The following EIF3A variants were observed in gnomAD, a reference collection of about 807,000 sequenced individuals.
EIF3A encodes the protein eukaryotic translation initiation factor 3 subunit A.
In EIF3A, 21 loss-of-function variants were observed where a neutral mutation model predicts 186.6. The ratio of observed to expected loss-of-function variants is 0.11; its 90% CI spans 0.08 to 0.16. EIF3A has a LOEUF of 0.16. Among genes scored for constraint, EIF3A ranks in the 10% least tolerant of loss-of-function variants. The pLI, the probability that EIF3A is intolerant of heterozygous loss-of-function variation, is 1.00. For synonymous variants in EIF3A, 563 were observed against 584.3 expected (o/e 0.96, Z 0.52); for missense variants, 1,306 against 1,796.3 (o/e 0.73, Z 4.93).
intron 7 of EIF3A, 44 bp from the exon 8 acceptor site, chr10:119,061,372 T>C (rs1334216529): frequency 2.2e-6 from 2 of 908,818 alleles, no homozygotes; most frequent in East Asian, 2.6e-5. Flanking sequence ...AAGGAAATTT[T>C]CCAACTAAAA....
intron 21 of EIF3A, among the ~76,000 whole-genome samples, chr10:119,036,516 G>A (rs578015752): frequency 6.6e-6 from 1 of 152,244 alleles, no homozygotes; most frequent in South Asian, 2.1e-4. Context: ...ACTAGCCTGG[G>A]AAGGACTACA....
In EIF3A at chr10:119,077,517, C is replaced by T. The variant is rs539093427; in HGVS notation, c.49+3111G>A. Among the ~76,000 whole-genome samples, 139 of 151,652 alleles carry T rather than the reference C, an allele frequency of 9.2e-4. 1 individual carries two copies. Among genetic ancestry groups the T allele is most frequent in the African/African-American group, 3.2e-3 (133 of 41,326 alleles). Reference sequence around the variant, plus strand: ...TAATCCATGACAGTGAGTCTTCTGCCTTTGTCCTAATTTATATACAAGAAT... The same window carrying T: ...TAATCCATGACAGTGAGTCTTCTGCTTTTGTCCTAATTTATATACAAGAAT... On this transcript the variant is annotated intron_variant, in intron 1 of 21. Transcript: ENST00000369144.
Position 119,038,390 on chromosome 10 carries a change from AGGT to A in EIF3A, c.3573_3575del (p.Pro1192del). ...GTTCTTCTGATGGCCTTGATTCTCGAGGTGGACCCCAGCTCTCCTCTCTGGCTT... is the reference window on the plus strand; with the variant it reads ...GTTCTTCTGATGGCCTTGATTCTCGAGGACCCCAGCTCTCCTCTCTGGCTT... On this transcript the variant is annotated inframe_deletion, in exon 20 of 22. Transcript: ENST00000369144. 1 of 1,613,954 alleles carries A rather than the reference AGGT, an allele frequency of 6.2e-7. No homozygotes were observed. Among genetic ancestry groups the A allele is most frequent in the Non-Finnish European group, 8.5e-7 (1 of 1,180,000 alleles).
intron 8 of EIF3A, 69 bp from the exon 9 acceptor site, chr10:119,060,913 CT>C (rs367793800): frequency 0.012 from 10,800 of 908,350 alleles, no homozygotes; most frequent in South Asian, 0.017. Flanking sequence ...ATCTAAAACT[CT>C]TTTTTTTTTA....
chr10:119,058,940 C>G (rs1316479312), intron 11 of EIF3A, among the ~76,000 whole-genome samples: 5 of 152,150 alleles, frequency 3.3e-5, no homozygotes, highest in Non-Finnish European at 7.3e-5. Flanking sequence ...CTGTATTTCA[C>G]TATTTGAGGA....
intron 1 of EIF3A, 99 bp downstream of exon 1, chr10:119,080,529 G>A (rs1844247803): frequency 1.4e-6 from 2 of 1,441,400 alleles, no homozygotes; most frequent in Admixed American, 3.0e-5. Flanking sequence ...TCCTCTCCCC[G>A]CGCGGGCCGG....
intron 17 of EIF3A, among the ~76,000 whole-genome samples, chr10:119,046,975 G>A (rs1376555047): frequency 6.7e-6 from 1 of 148,394 alleles, no homozygotes; most frequent in East Asian, 2.1e-4. Context: ...GAAAATAAAA[G>A]TGAACCTAAA....
chr10:119,051,160 G>A, intron 15 of EIF3A, 39 bp downstream of exon 15: 1 of 1,571,540 alleles, frequency 6.4e-7, no homozygotes, highest in African/African-American at 1.4e-5. Flanking sequence ...ATACTAGAAA[G>A]CTCATGAATA....
chr10:119,039,423 G>A (rs1477528784), intron 19 of EIF3A, among the ~76,000 whole-genome samples: 1 of 151,650 alleles, frequency 6.6e-6, no homozygotes, highest in South Asian at 2.1e-4. Context: ...GTAATCTCAG[G>A]AATTTGGGAG....
chr10:119,038,290 C>T lies in EIF3A; in HGVS notation c.3676G>A (p.Glu1226Lys), dbSNP rs1848163340. ...TCCACATCTCTCTCTCTGTCCCTTT[C>T]TCTCTCAGGGTCCTTGTCATTCTCC... The part of the protein sequence containing the change: ...REENDKDPER[E>K]RDRERDVDRE... The change falls in exon 20 of 22, where the codon GAA (glutamate) becomes AAA (lysine). Residue 1226 changes from glutamate to lysine, a missense_variant. By Grantham distance (56) the Glu-to-Lys change is moderately conservative (BLOSUM62 1). Transcript: ENST00000369144. 1 of 1,613,998 alleles carries T rather than the reference C, an allele frequency of 6.2e-7. No individual in the cohort carries two copies. Among genetic ancestry groups the T allele is most frequent in the African/African-American group, 1.3e-5 (1 of 74,902 alleles).
chr10:119,044,833 G>A lies in EIF3A; in HGVS notation c.2659-691C>T, dbSNP rs145991478. Among the ~76,000 whole-genome samples the A allele has an allele frequency of 8.1e-3, 1,231 of 152,148 alleles. 18 individuals are homozygous for A. Among genetic ancestry groups the A allele is most frequent in the African/African-American group, 0.028 (1,164 of 41,492 alleles). On this transcript the variant is annotated intron_variant, in intron 17 of 21. Transcript: ENST00000369144. ...ACTGCACTCCAGCCTGCACCAGAGC[G>A]CAAGCCTCTGTCTCAAAAAAATAAA... is the stretch of plus-strand genomic sequence containing the variant.
chr10:119,072,024 CAAA>C lies in EIF3A; in HGVS notation c.541+863_541+865del, dbSNP rs56100757. Among the ~76,000 whole-genome samples the C allele has an allele frequency of 8.7e-3, 519 of 59,460 alleles. 5 individuals carry two copies. Among genetic ancestry groups the C allele is most frequent in the African/African-American group, 0.026 (426 of 16,558 alleles). 39.0% of individuals were successfully genotyped at this position (59,460 alleles called of 152,430 possible). On this transcript the variant is annotated intron_variant, in intron 4 of 21. Coordinates refer to ENST00000369144, the MANE Select transcript of EIF3A (RefSeq NM_003750.4). ...TGGGCCACAGAGCAAGACTCTGTCTCAAAAAAAAAAAAAAAAAAAAAAGAAAGA... is the reference window on the plus strand; with the variant it reads ...TGGGCCACAGAGCAAGACTCTGTCTCAAAAAAAAAAAAAAAAAAAGAAAGA...
intron 15 of EIF3A, 88 bp downstream of exon 15, chr10:119,051,111 A>T: frequency 8.5e-6 from 10 of 1,176,098 alleles, no homozygotes; most frequent in Non-Finnish European, 1.2e-5. Flanking sequence ...TAACTCAATA[A>T]AGAATATACC....
chr10:119,073,624 A>T, intron 2 of EIF3A, 47 bp from the exon 3 acceptor site: 1 of 1,591,264 alleles, frequency 6.3e-7, no homozygotes, highest in South Asian at 1.1e-5. Context: ...TTTCCATTGA[A>T]CCATAAGATG....
rs750837378 is a variant in EIF3A at position 119,050,649 on chromosome 10, C to T, written c.2345G>A (p.Arg782Gln). ...TCGATTATGCCTTTCTTCTGCTAATCGCTCTTCAAACTGTTTAAGTTTTTC... is the reference window on the plus strand; with the variant it reads ...TCGATTATGCCTTTCTTCTGCTAATTGCTCTTCAAACTGTTTAAGTTTTTC... The part of the protein sequence containing the change: ...YEEKLKQFEE[R>Q]LAEERHNRLE... Residue 782 changes from arginine to glutamine, a missense_variant, in exon 16 of 22, where the codon CGA (arginine) becomes CAA (glutamine). This residue lies in a region of EIF3A where 410 missense variants were observed against 473.5 expected (regional missense o/e 0.87). Transcript: ENST00000369144. 8 of 1,613,932 alleles carry T rather than the reference C, an allele frequency of 5.0e-6. No homozygotes were observed. The highest frequency in any genetic ancestry group is 6.8e-6 in the Non-Finnish European group (8 of 1,180,038).
In EIF3A at chr10:119,034,853, CA is replaced by C. The variant is rs1360519220; in HGVS notation, c.*1185del. 3.9e-5 allele frequency: 6 copies of C among 152,198 alleles called. No individual in the cohort carries two copies. The highest frequency in any genetic ancestry group is 8.8e-5 in the Non-Finnish European group (6 of 68,036). 9.4% of individuals were successfully genotyped at this position (152,198 alleles called of 1,614,324 possible). On this transcript the variant is annotated 3_prime_UTR_variant, in exon 22 of 22. Coordinates refer to ENST00000369144, the MANE Select transcript of EIF3A (RefSeq NM_003750.4). ...GGAAACTAAGGAATTCCTGCATTAA[CA>C]AAGGAAGACATGTTAGGGGGACATC...
intron 9 of EIF3A, 39 bp downstream of exon 9, chr10:119,060,707 C>A: frequency 6.6e-7 from 1 of 1,505,312 alleles, no homozygotes; most frequent in Non-Finnish European, 9.1e-7. Context: ...ATGATGAGCA[C>A]ATAACATCAC....
intron 19 of EIF3A, among the ~76,000 whole-genome samples, chr10:119,041,136 C>A (rs1292784796): frequency 6.6e-6 from 1 of 151,898 alleles, no homozygotes; most frequent in Non-Finnish European, 1.5e-5. Context: ...TGAGATCATA[C>A]CACTGCACTC....
chr10:119,070,273 C>T (rs1844051245), intron 5 of EIF3A, among the ~76,000 whole-genome samples: 1 of 152,096 alleles, frequency 6.6e-6, no homozygotes, highest in Admixed American at 6.6e-5. Flanking sequence ...AGAAAAAGGG[C>T]CAGGGAGAGG....
Sources: allele counts gnomAD v4.1 joint callset (sites outside exome capture counted in the v4.1 genomes callset), GRCh38; gene constraint gnomAD v4.1.1; regional missense constraint gnomAD v4.1.1; transcripts MANE v1.5; gene names NCBI Gene and HGNC (gene_info 2026-07-23, HGNC 2026-07-21).